RAB3C: variants seen among roughly 807,000 people sequenced by gnomAD.
RAB3C encodes the protein ras-related protein Rab-3C.
Under a neutral mutation model 26.4 loss-of-function variants are expected in RAB3C, and 17 were observed. The observed-to-expected ratio is 0.64, with a 90% CI of 0.44 to 0.97. The LOEUF (loss-of-function observed/expected upper bound fraction) is 0.97, where lower values mean the gene tolerates loss of function less well. Ranked by LOEUF, RAB3C falls within the 50% of genes least tolerant of loss-of-function variation. The pLI, the probability that RAB3C is intolerant of heterozygous loss-of-function variation, is 0.00. For missense variants in RAB3C, 242 were observed against 281.9 expected (o/e 0.86, Z 1.01); for synonymous variants, 91 against 95.9 (o/e 0.95, Z 0.30).
At chr5:58,844,232 T>G (rs1743939027) in intron 4 of RAB3C, among the ~76,000 whole-genome samples, 1 of 152,208 alleles carries the variant, frequency 6.6e-6, no homozygotes, top group East Asian at 1.9e-4. Flanking sequence ...ATGTCCATCT[T>G]CTTATATTAT....
chr5:58,820,420 G>C lies in RAB3C; in HGVS notation c.372-4618G>C, dbSNP rs192099000. Among the ~76,000 whole-genome samples, 636 of 152,266 alleles carry C rather than the reference G, an allele frequency of 4.2e-3. 15 individuals are homozygous for C. The highest frequency in any genetic ancestry group is 2.1e-3 in the Non-Finnish European group (140 of 68,028). ...CTCCTCTTGCTGATGGTGGGACTGT[G>C]CCTAAAGCTCCCTTCCCTGCTCTGC... is the stretch of plus-strand genomic sequence containing the variant. On this transcript the variant is annotated intron_variant, in intron 3 of 4. Coordinates refer to ENST00000282878, the MANE Select transcript of RAB3C (RefSeq NM_138453.4).
intron 2 of RAB3C, among the ~76,000 whole-genome samples, chr5:58,693,914 T>A (rs1748633476): frequency 6.6e-6 from 1 of 152,070 alleles, no homozygotes; most frequent in Admixed American, 6.6e-5. Flanking sequence ...TACGTTCCCA[T>A]CTGTTCAATT....
rs530109437 is a variant in RAB3C at position 58,632,276 on chromosome 5, T to C, written c.252+14406T>C. Among the ~76,000 whole-genome samples the C allele has an allele frequency of 3.3e-5, 5 of 152,298 alleles. 1 individual carries two copies. In the South Asian group the frequency reaches 1.0e-3, roughly 32 times the overall value. ...GAGTGTCTGGTCAATAATTTTAACA[T>C]AGGAACCATGGTCTCTACAGACCTC... On this transcript the variant is annotated intron_variant, in intron 2 of 4. Coordinates refer to ENST00000282878, the MANE Select transcript of RAB3C (RefSeq NM_138453.4).
chr5:58,788,798 A>G (rs1352599603), intron 3 of RAB3C, among the ~76,000 whole-genome samples: 1 of 152,228 alleles, frequency 6.6e-6, no homozygotes, highest in Non-Finnish European at 1.5e-5. Flanking sequence ...TGTTGTTATC[A>G]TAAATAAGCA....
chr5:58,731,107 C>G (rs1453217328), intron 3 of RAB3C, among the ~76,000 whole-genome samples: 1 of 152,068 alleles, frequency 6.6e-6, no homozygotes, highest in Non-Finnish European at 1.5e-5. Context: ...TATTACAATT[C>G]AAGGTGAGAT....
chr5:58,796,116 G>A (rs966210836), intron 3 of RAB3C, among the ~76,000 whole-genome samples: 5 of 152,138 alleles, frequency 3.3e-5, no homozygotes, highest in African/African-American at 1.2e-4. Flanking sequence ...ATTGGAAGGT[G>A]GGAAATAAAA....
chr5:58,708,352 C>CA (rs1320050438), intron 2 of RAB3C, among the ~76,000 whole-genome samples: 3 of 152,154 alleles, frequency 2.0e-5, no homozygotes, highest in African/African-American at 7.2e-5. Flanking sequence ...CACCCTTGCC[C>CA]ATCTGCCTGC....
intron 3 of RAB3C, among the ~76,000 whole-genome samples, chr5:58,735,231 G>T (rs1029844223): frequency 6.6e-6 from 1 of 152,166 alleles, no homozygotes; most frequent in Non-Finnish European, 1.5e-5. Flanking sequence ...CTGTGAAAGG[G>T]CACTTGTTTA....
chr5:58,849,297 T>C (rs1385341864), intron 4 of RAB3C, among the ~76,000 whole-genome samples: 3 of 123,960 alleles, frequency 2.4e-5, no homozygotes, highest in Non-Finnish European at 5.3e-5. Flanking sequence ...TCAGGGATCT[T>C]GAATTCTTCA....
chr5:58,696,851 G>A (rs1031304288), intron 2 of RAB3C, among the ~76,000 whole-genome samples: 2 of 151,858 alleles, frequency 1.3e-5, no homozygotes, highest in African/African-American at 4.8e-5. Flanking sequence ...TACCAATTTT[G>A]TTGATCTTTT....
At position 58,712,563 on chromosome 5, in the gene RAB3C, C is replaced by T. The variant is rs559419204; in HGVS notation, c.253-13439C>T. On this transcript the variant is annotated intron_variant, in intron 2 of 4. Transcript: ENST00000282878. Reference sequence around the variant, plus strand: ...TTCTCGAGACAGAGTCTGGCTCTATCACCCAGGCTGGAGTTCAGTGGAGCG... The same window carrying T: ...TTCTCGAGACAGAGTCTGGCTCTATTACCCAGGCTGGAGTTCAGTGGAGCG... 1.6e-3 allele frequency among the ~76,000 whole-genome samples: 250 copies of T among 152,222 alleles called. 2 individuals carry two copies. The highest frequency in any genetic ancestry group is 2.3e-3 in the Non-Finnish European group (156 of 68,010).
At chr5:58,757,863 T>A (rs926381255) in intron 3 of RAB3C, among the ~76,000 whole-genome samples, 1 of 152,242 alleles carries the variant, frequency 6.6e-6, no homozygotes, top group Non-Finnish European at 1.5e-5. Flanking sequence ...TCTCTTCACA[T>A]CTGCCATCAG....
intron 1 of RAB3C, among the ~76,000 whole-genome samples, chr5:58,593,101 A>T (rs1303063477): frequency 1.3e-5 from 2 of 151,758 alleles, no homozygotes; most frequent in Non-Finnish European, 2.9e-5. Flanking sequence ...TCATTAAAAA[A>T]TTTTTCCTTT....
intron 1 of RAB3C, among the ~76,000 whole-genome samples, chr5:58,604,976 C>T (rs150758397): frequency 6.6e-4 from 100 of 152,206 alleles, no homozygotes; most frequent in Middle Eastern, 3.4e-3. Flanking sequence ...CCAGAGAGCT[C>T]GCAGGGCCTT....
chr5:58,677,375 C>A (rs1748251053), intron 2 of RAB3C, among the ~76,000 whole-genome samples: 2 of 152,100 alleles, frequency 1.3e-5, no homozygotes, highest in Non-Finnish European at 2.9e-5. Context: ...ACTGTCCTGG[C>A]TTTCTTATAA....
intron 4 of RAB3C, among the ~76,000 whole-genome samples, chr5:58,845,604 A>ATG (rs1462089378): frequency 1.7e-5 from 1 of 57,970 alleles, no homozygotes; most frequent in African/African-American, 9.0e-5. Flanking sequence ...CTATATATAT[A>ATG]TATATATATG....
intron 2 of RAB3C, chr5:58,689,136 G>A (rs949605876): frequency 1.3e-5 from 2 of 152,058 alleles, no homozygotes; most frequent in African/African-American, 4.8e-5. Flanking sequence ...CTTTTCACAG[G>A]TAGCATGGCT....
intron 2 of RAB3C, among the ~76,000 whole-genome samples, chr5:58,700,305 C>A (rs1322996662): frequency 6.6e-6 from 1 of 152,036 alleles, no homozygotes; most frequent in East Asian, 1.9e-4. Flanking sequence ...TATGAAACTT[C>A]CAGGTAATAT....
chr5:58,638,386 A>T (rs1045001637), intron 2 of RAB3C, among the ~76,000 whole-genome samples: 3 of 152,116 alleles, frequency 2.0e-5, no homozygotes, highest in Admixed American at 6.5e-5. Flanking sequence ...TCCTGAAAAT[A>T]AGCTTTTCTA....
Sources: gnomAD v4.1 joint callset for allele counts (sites outside exome capture counted in the v4.1 genomes callset) on GRCh38, gnomAD v4.1.1 for gene constraint, MANE v1.5 for transcripts, NCBI Gene and HGNC (gene_info 2026-07-23, HGNC 2026-07-21) for gene names.